The following INTU variants were observed in gnomAD, a reference collection of about 807,000 sequenced individuals.
INTU encodes protein inturned.
Under a neutral mutation model 100.5 loss-of-function variants are expected in INTU, and 68 were observed. The observed-to-expected ratio is 0.68, with a 90% CI of 0.56 to 0.83. The LOEUF (loss-of-function observed/expected upper bound fraction) is 0.83, where lower values mean the gene tolerates loss of function less well. Ranked by LOEUF, INTU falls within the 40% of genes least tolerant of loss-of-function variation. The probability of loss-of-function intolerance (pLI) is 0.00; values close to 1 mark genes in which losing one functional copy is unlikely to be tolerated. For synonymous variants in INTU, 357 were observed against 395.7 expected (o/e 0.90, Z 1.16); for missense variants, 1,071 against 1,114.7 (o/e 0.96, Z 0.56).
At chr4:127,687,403 C>G in intron 7 of INTU, 1 of 195,838 alleles carries the variant, frequency 5.1e-6, no homozygotes, top group Non-Finnish European at 1.0e-5. Flanking sequence ...TCAGCCCTTT[C>G]TTTTATAAAT....
rs747876872 is a variant in INTU at position 127,706,528 on chromosome 4, C to T, written c.1830C>T (p.Cys610=). ...MLCVLLEAGG[C]ASKAIGSPGP... is the part of the protein sequence containing the mutation. ...GTGTACTATTAGAAGCTGGAGGTTGCGCATCCAAAGCTATTGGGAGTCCTG... is the reference window on the plus strand; with the variant it reads ...GTGTACTATTAGAAGCTGGAGGTTGTGCATCCAAAGCTATTGGGAGTCCTG... The change falls in exon 12 of 16, where the codon TGC becomes TGT. Residue 610 remains cysteine, a synonymous_variant. Coordinates refer to ENST00000335251, the MANE Select transcript of INTU (RefSeq NM_015693.4). The T allele has an allele frequency of 1.9e-5, 31 of 1,613,436 alleles. No individual in the cohort carries two copies. Among genetic ancestry groups the T allele is most frequent in the South Asian group, 7.7e-5 (7 of 91,044 alleles).
At chr4:127,713,863 A>T in intron 14 of INTU, 73 bp from the exon 15 acceptor site, 1 of 1,104,806 alleles carries the variant, frequency 9.1e-7, no homozygotes, top group Non-Finnish European at 1.3e-6. Context: ...GCCAATTCAG[A>T]TTACTCTGTG....
rs143236402 is a variant in INTU, at chr4:127,669,047, T to G, written c.984T>G (p.Leu328=). 117 of 1,458,542 alleles carry G rather than the reference T, an allele frequency of 8.0e-5. No homozygotes were observed. The highest frequency in any genetic ancestry group is 9.8e-5 in the Non-Finnish European group (105 of 1,069,224). The allele number at this position is 1,458,542 out of a possible 1,614,324, so 90.4% of individuals were successfully genotyped here. ...SETSKEEQEI[L]YHYPMSEASQ... ...GTTTCATTTAACAGCAGGAAATTCTTTATCATTATCCAATGTCTGAAGCAT... is the reference window on the plus strand; with the variant it reads ...GTTTCATTTAACAGCAGGAAATTCTGTATCATTATCCAATGTCTGAAGCAT... Residue 328 remains leucine (L), a synonymous_variant, in exon 5 of 16, where the codon CTT becomes CTG. Coordinates refer to ENST00000335251, the MANE Select transcript of INTU (RefSeq NM_015693.4).
intron 8 of INTU, among the ~76,000 whole-genome samples, chr4:127,698,920 T>G (rs1407526239): frequency 6.6e-6 from 1 of 152,178 alleles, no homozygotes; most frequent in African/African-American, 2.4e-5. Context: ...CTGAAGTATT[T>G]GCTAGATGCA....
intron 15 of INTU, among the ~76,000 whole-genome samples, chr4:127,715,971 CATT>C (rs1731250066): frequency 6.6e-6 from 1 of 152,010 alleles, no homozygotes; most frequent in Non-Finnish European, 1.5e-5. Flanking sequence ...AAAAATTAAA[CATT>C]AGAAAGTAAA....
chr4:127,710,666 G>T (rs1197282721), intron 13 of INTU, among the ~76,000 whole-genome samples: 1 of 152,102 alleles, frequency 6.6e-6, no homozygotes, highest in East Asian at 1.9e-4. Flanking sequence ...ATGAATTGAG[G>T]TTTACTTATC....
chr4:127,674,746 G>A (rs191016298), intron 6 of INTU, among the ~76,000 whole-genome samples: 1 of 152,222 alleles, frequency 6.6e-6, no homozygotes, highest in Non-Finnish European at 1.5e-5. Flanking sequence ...GGTAAAAGCA[G>A]GATTGACATT....
At position 127,676,398 on chromosome 4, in the gene INTU, T is replaced by C. The variant is rs534449969; in HGVS notation, c.1181+2185T>C. ...CTCAGGAGTTCAAGACCAGCCTAGG[T>C]AACATGGTGAAACCCCGTCTCTTCA... On this transcript the variant is annotated intron_variant, in intron 6 of 15. Coordinates refer to ENST00000335251, the MANE Select transcript of INTU (RefSeq NM_015693.4). 2.0e-5 allele frequency among the ~76,000 whole-genome samples: 3 copies of C among 151,846 alleles called. No homozygotes were observed. The South Asian group carries it at 6.2e-4, about 32-fold the overall frequency.
intron 2 of INTU, among the ~76,000 whole-genome samples, chr4:127,654,638 C>T (rs1004061309): frequency 1.5e-4 from 23 of 151,258 alleles, no homozygotes; most frequent in Non-Finnish European, 2.1e-4. Context: ...CGACCTTTCT[C>T]TCTGGCTGCC....
chr4:127,650,304 T>C (rs1323488610), intron 2 of INTU, among the ~76,000 whole-genome samples: 2 of 151,694 alleles, frequency 1.3e-5, no homozygotes, highest in African/African-American at 4.8e-5. Context: ...ACATGTGCCA[T>C]GCTGGTGCGC....
chr4:127,671,732 C>G (rs1023814028), intron 5 of INTU, among the ~76,000 whole-genome samples: 2 of 151,426 alleles, frequency 1.3e-5, no homozygotes, highest in Non-Finnish European at 3.0e-5. Flanking sequence ...CAACAGATGA[C>G]TGGATAAAGA....
intron 12 of INTU, 113 bp downstream of exon 12, chr4:127,707,082 G>T: frequency 8.2e-7 from 1 of 1,216,032 alleles, no homozygotes; most frequent in Non-Finnish European, 1.1e-6. Flanking sequence ...TTGACATGGT[G>T]GTTATTTCAG....
chr4:127,701,036 C>A (rs1023035212), intron 9 of INTU, among the ~76,000 whole-genome samples: 1 of 152,048 alleles, frequency 6.6e-6, no homozygotes, highest in Non-Finnish European at 1.5e-5. Flanking sequence ...AGGCAATGGT[C>A]ATCAATAGCT....
intron 3 of INTU, among the ~76,000 whole-genome samples, chr4:127,659,587 G>A (rs1277906782): frequency 3.9e-5 from 6 of 152,170 alleles, no homozygotes; most frequent in Non-Finnish European, 5.9e-5. Flanking sequence ...ACCCTGATCC[G>A]TTTCTGCAGC....
At chr4:127,639,432 G>C (rs543154428) in intron 1 of INTU, among the ~76,000 whole-genome samples, 41 of 152,194 alleles carry the variant, frequency 2.7e-4, no homozygotes, top group Admixed American at 7.2e-4. Flanking sequence ...TCATCTCCTG[G>C]AGTGGGGATT....
chr4:127,683,161 G>A (rs1729662187), intron 6 of INTU, among the ~76,000 whole-genome samples: 1 of 152,140 alleles, frequency 6.6e-6, no homozygotes, highest in South Asian at 2.1e-4. Flanking sequence ...ACAGGGTGGG[G>A]GAAGGGAGGC....
intron 9 of INTU, among the ~76,000 whole-genome samples, 182 bp downstream of exon 9, chr4:127,700,245 G>A (rs1687699456): frequency 6.6e-6 from 1 of 152,086 alleles, no homozygotes; most frequent in Admixed American, 6.6e-5. Context: ...TTAAACAGTT[G>A]TTACATAATG....
At chr4:127,706,371 C>A in intron 11 of INTU, 116 bp from the exon 12 acceptor site, 1 of 816,470 alleles carries the variant, frequency 1.2e-6, no homozygotes, top group Non-Finnish European at 1.9e-6. Flanking sequence ...TAATAATCAT[C>A]ACATGATTAT....
At chr4:127,640,062 G>C (rs1306736736) in intron 1 of INTU, among the ~76,000 whole-genome samples, 2 of 152,086 alleles carry the variant, frequency 1.3e-5, no homozygotes, top group Non-Finnish European at 2.9e-5. Flanking sequence ...GATCATTAGA[G>C]ACACCTTCAT....
Sources: gnomAD v4.1 joint callset for allele counts (sites outside exome capture counted in the v4.1 genomes callset) on GRCh38, gnomAD v4.1.1 for gene constraint, MANE v1.5 for transcripts, NCBI Gene and HGNC (gene_info 2026-07-23, HGNC 2026-07-21) for gene names.